Variants in HDAC9 observed in about 807,000 individuals in gnomAD.
The protein encoded by HDAC9 is histone deacetylase 9.
In HDAC9, 41 loss-of-function variants were observed where a neutral mutation model predicts 139.4. The ratio of observed to expected loss-of-function variants is 0.29; its 90% CI spans 0.23 to 0.38. The LOEUF (loss-of-function observed/expected upper bound fraction) is 0.38. HDAC9 is among the 10% of genes least tolerant of loss of function. HDAC9 has a pLI of 1.00. For synonymous variants in HDAC9, 517 were observed against 476.2 expected (o/e 1.09, Z -1.12); for missense variants, 1,147 against 1,297.0 (o/e 0.88, Z 1.78).
At chr7:18,826,440 A>C (rs1021948202) in intron 17 of HDAC9, among the ~76,000 whole-genome samples, 1 of 152,198 alleles carries the variant, frequency 6.6e-6, no homozygotes. Flanking sequence ...TCCTGAGAGC[A>C]CAATGCGAGG....
intron 1 of HDAC9, among the ~76,000 whole-genome samples, chr7:18,344,507 G>T (rs1270476767): frequency 1.3e-5 from 2 of 151,896 alleles, no homozygotes; most frequent in African/African-American, 4.8e-5. Context: ...TTTACAAATG[G>T]CTTCCAGAAA....
intron 2 of HDAC9, among the ~76,000 whole-genome samples, chr7:18,191,089 G>A (rs887416715): frequency 6.6e-6 from 1 of 152,146 alleles, no homozygotes; most frequent in Non-Finnish European, 1.5e-5. Flanking sequence ...GTAACTTTTT[G>A]ACTCCCTGAG....
rs113646814 is a variant in HDAC9 at position 18,694,248 on chromosome 7, T to C, written c.1731+27772T>C. Among the ~76,000 whole-genome samples the C allele has an allele frequency of 5.0e-3, 759 of 152,202 alleles. 4 individuals carry two copies. Among genetic ancestry groups the C allele is most frequent in the African/African-American group, 0.017 (701 of 41,550 alleles). On this transcript the variant is annotated intron_variant, in intron 12 of 25. Coordinates refer to ENST00000686413, the MANE Select transcript of HDAC9 (RefSeq NM_178425.4). ...GAAACTCCATAGTTTTTGTATGCAATTGTAGATGGGAAAAAATGGTTGAGA... is the reference window on the plus strand; with the variant it reads ...GAAACTCCATAGTTTTTGTATGCAACTGTAGATGGGAAAAAATGGTTGAGA...
At chr7:18,558,295 G>T (rs539787262) in intron 2 of HDAC9, among the ~76,000 whole-genome samples, 1 of 152,008 alleles carries the variant, frequency 6.6e-6, no homozygotes, top group South Asian at 2.1e-4. Context: ...GTGTATTTCC[G>T]GTTATTGGTG....
chr7:18,718,416 A>G (rs567871591), intron 12 of HDAC9, among the ~76,000 whole-genome samples: 1 of 151,650 alleles, frequency 6.6e-6, no homozygotes, highest in Non-Finnish European at 1.5e-5. Context: ...GCATTTTAGT[A>G]GAGACGGGGT....
At chr7:18,379,844 T>C (rs982258610) in intron 1 of HDAC9, among the ~76,000 whole-genome samples, 1 of 152,198 alleles carries the variant, frequency 6.6e-6, no homozygotes, top group Non-Finnish European at 1.5e-5. Flanking sequence ...CTAAGGTATC[T>C]TATTTCCACA....
intron 1 of HDAC9, among the ~76,000 whole-genome samples, chr7:18,384,979 C>T (rs1461687540): frequency 6.6e-6 from 1 of 151,996 alleles, no homozygotes; most frequent in Non-Finnish European, 1.5e-5. Flanking sequence ...AAAGTGAGAC[C>T]TTTCTGTTTC....
At chr7:18,295,820 T>C (rs1370370048) in intron 1 of HDAC9, among the ~76,000 whole-genome samples, 2 of 152,138 alleles carry the variant, frequency 1.3e-5, no homozygotes, top group Admixed American at 6.6e-5. Flanking sequence ...GCAGGTAATG[T>C]AGGGGGCAGC....
At chr7:18,240,253 A>C (rs1193037742) in intron 2 of HDAC9, among the ~76,000 whole-genome samples, 5 of 152,124 alleles carry the variant, frequency 3.3e-5, no homozygotes, top group Non-Finnish European at 7.4e-5. Flanking sequence ...TGAAGGCCTT[A>C]ATCAACCATA....
intron 1 of HDAC9, among the ~76,000 whole-genome samples, chr7:18,467,188 T>G (rs1263992528): frequency 2.0e-5 from 3 of 152,182 alleles, no homozygotes; most frequent in Non-Finnish European, 2.9e-5. Flanking sequence ...TTACTGATCT[T>G]TCCTCTTTGT....
intron 1 of HDAC9, among the ~76,000 whole-genome samples, chr7:18,112,180 G>A (rs765611535): frequency 2.6e-5 from 4 of 152,082 alleles, no homozygotes; most frequent in Non-Finnish European, 5.9e-5. Flanking sequence ...CTATACAATG[G>A]TGTACTACCG....
At position 18,727,721 on chromosome 7, in the gene HDAC9, G is replaced by T. The variant is rs988408353; in HGVS notation, c.1873G>T (p.Ala625Ser). 1.1e-5 allele frequency: 17 copies of T among 1,564,366 alleles called. No individual in the cohort carries two copies. The highest frequency in any genetic ancestry group is 1.5e-5 in the Non-Finnish European group (17 of 1,161,958). The change falls in exon 13 of 26, where the codon GCA (alanine) becomes TCA (serine). Residue 625 changes from alanine (A) to serine (S), a missense_variant. Around this residue, in one of 7 missense-constraint regions of HDAC9, gnomAD observed 256 missense variants for 219.2 expected, o/e 1.17. Transcript: ENST00000686413. ...SPAASVLPHPAMDRPLQPGSA... is the reference protein window; with the variant it reads ...SPAASVLPHPSMDRPLQPGSA... Reference sequence around the variant, plus strand: ...TGCTGCCTCTGTTTTACCTCACCCAGCAATGGACCGCCCCCTCCAGCCTGG... The same window carrying T: ...TGCTGCCTCTGTTTTACCTCACCCATCAATGGACCGCCCCCTCCAGCCTGG...
chr7:18,934,189 T>C (rs1466833096), intron 22 of HDAC9, among the ~76,000 whole-genome samples: 1 of 152,032 alleles, frequency 6.6e-6, no homozygotes, highest in Non-Finnish European at 1.5e-5. Context: ...ATAATCCCTT[T>C]AAAAATTCAA....
At chr7:18,573,430 G>A (rs1347647391) in intron 2 of HDAC9, among the ~76,000 whole-genome samples, 4 of 152,206 alleles carry the variant, frequency 2.6e-5, no homozygotes, top group South Asian at 2.1e-4. Context: ...TCTAGGGATC[G>A]CTAGGGCGTT....
chr7:18,489,953 C>G (rs972370906), intron 1 of HDAC9, among the ~76,000 whole-genome samples: 16 of 152,004 alleles, frequency 1.1e-4, no homozygotes, highest in African/African-American at 3.6e-4. Flanking sequence ...GAGTACAATG[C>G]TGCTCTCATT....
chr7:18,816,648 G>T (rs941031095), intron 17 of HDAC9, among the ~76,000 whole-genome samples: 4 of 152,162 alleles, frequency 2.6e-5, no homozygotes, highest in African/African-American at 9.7e-5. Context: ...CTCCTAAATT[G>T]GTTTCTGGTC....
intron 1 of HDAC9, among the ~76,000 whole-genome samples, chr7:18,333,320 A>C (rs1238449079): frequency 6.6e-6 from 1 of 151,486 alleles, no homozygotes; most frequent in African/African-American, 2.4e-5. Context: ...TTGGATTACT[A>C]ATTAAGAGAT....
chr7:18,724,752 GCT>G (rs1160845166), intron 12 of HDAC9, among the ~76,000 whole-genome samples: 2 of 152,148 alleles, frequency 1.3e-5, no homozygotes, highest in African/African-American at 4.8e-5. Context: ...GGAATGCATG[GCT>G]GTCTTTAGTA....
At chr7:18,616,425 T>C (rs1011283794) in intron 6 of HDAC9, among the ~76,000 whole-genome samples, 1 of 152,166 alleles carries the variant, frequency 6.6e-6, no homozygotes, top group Non-Finnish European at 1.5e-5. Context: ...GTTGACTAAA[T>C]AGAAGGTGTT....
Sources: gnomAD v4.1 joint callset for allele counts (sites outside exome capture counted in the v4.1 genomes callset) on GRCh38, gnomAD v4.1.1 for gene constraint, gnomAD v4.1.1 regional missense constraint, MANE v1.5 for transcripts, NCBI Gene and HGNC (gene_info 2026-07-23, HGNC 2026-07-21) for gene names.